The following SYT14 variants were observed in gnomAD, a reference collection of about 807,000 sequenced individuals.
SYT14 encodes the protein synaptotagmin-14.
Under a neutral mutation model 74.2 loss-of-function variants are expected in SYT14, and 32 were observed. The observed-to-expected ratio is 0.43, with a 90% CI of 0.33 to 0.58. The LOEUF (loss-of-function observed/expected upper bound fraction) is 0.58, where lower values mean the gene tolerates loss of function less well. SYT14 is among the 20% of genes least tolerant of loss of function. The pLI, the probability that SYT14 is intolerant of heterozygous loss-of-function variation, is 0.05. For missense variants in SYT14, 791 were observed against 981.8 expected (o/e 0.81, Z 2.60); for synonymous variants, 298 against 337.7 (o/e 0.88, Z 1.29).
At chr1:210,162,143 C>G (rs1410269619) in exon 10 of SYT14, 1 of 439,114 alleles carries the variant, frequency 2.3e-6, no homozygotes, top group Non-Finnish European at 4.6e-6. Context: ...ATGTTAAAAA[C>G]AGTTATGAGA....
At chr1:210,077,089 T>C (rs1558172761) in intron 5 of SYT14, among the ~76,000 whole-genome samples, 1 of 152,092 alleles carries the variant, frequency 6.6e-6, no homozygotes, top group Admixed American at 6.5e-5. Flanking sequence ...TATAAAGAAA[T>C]GAGGTTTAAT....
chr1:210,126,307 AC>A (rs1018368198), intron 7 of SYT14, among the ~76,000 whole-genome samples: 6 of 151,538 alleles, frequency 4.0e-5, no homozygotes, highest in Non-Finnish European at 7.4e-5. Context: ...TAACACGTTT[AC>A]CCCTGAGATA....
chr1:210,006,358 T>G (rs2079988066), intron 2 of SYT14, among the ~76,000 whole-genome samples: 1 of 151,974 alleles, frequency 6.6e-6, no homozygotes, highest in African/African-American at 2.4e-5. Flanking sequence ...CATACTAACC[T>G]TCTGTTTTCC....
intron 2 of SYT14, among the ~76,000 whole-genome samples, chr1:209,966,470 C>T (rs1007738489): frequency 2.6e-5 from 4 of 152,250 alleles, no homozygotes; most frequent in Non-Finnish European, 5.9e-5. Flanking sequence ...TCTACAGATC[C>T]ATGAACCTAG....
Position 209,948,970 on chromosome 1 carries a change from C to T in SYT14, c.-533-3739C>T, listed in dbSNP as rs186049601. Among the ~76,000 whole-genome samples, 133 of 152,296 alleles carry T rather than the reference C, an allele frequency of 8.7e-4. 1 individual carries two copies. The highest frequency in any genetic ancestry group is 3.0e-3 in the African/African-American group (126 of 41,582). On this transcript the variant is annotated intron_variant, in intron 1 of 9. Transcript: ENST00000637265. ...CTAAGTGACCAAGTAAGCATTCCCT[C>T]TTGTGCGTTACACTGTTAAAAGCAG...
chr1:209,948,408 A>G (rs927790869), intron 1 of SYT14, among the ~76,000 whole-genome samples: 4 of 152,160 alleles, frequency 2.6e-5, no homozygotes, highest in Non-Finnish European at 4.4e-5. Context: ...CCTTATGCCA[A>G]TTGTAGAGGA....
At position 209,984,330 on chromosome 1, in the gene SYT14, C is replaced by T. The variant is rs74363772; in HGVS notation, c.-485-29303C>T. Reference sequence around the variant, plus strand: ...TCTTACTGAGTTTCAGCAGTCTCTCCCTTCAGCAAGCACATCCCTCGTTGC... The same window carrying T: ...TCTTACTGAGTTTCAGCAGTCTCTCTCTTCAGCAAGCACATCCCTCGTTGC... On this transcript the variant is annotated intron_variant, in intron 2 of 9. Transcript: ENST00000637265. Among the ~76,000 whole-genome samples, 62 of 152,270 alleles carry T rather than the reference C, an allele frequency of 4.1e-4. 1 individual carries two copies. Among genetic ancestry groups the T allele is most frequent in the Admixed American group, 2.5e-3 (38 of 15,308 alleles).
At chr1:210,110,557 T>C (rs534068350) in intron 7 of SYT14, among the ~76,000 whole-genome samples, 1 of 152,112 alleles carries the variant, frequency 6.6e-6, no homozygotes, top group Non-Finnish European at 1.5e-5. Flanking sequence ...TCTGTTTCAA[T>C]TAAACAAGGT....
At chr1:210,029,865 A>G (rs2080491259) in intron 5 of SYT14, among the ~76,000 whole-genome samples, 1 of 152,162 alleles carries the variant, frequency 6.6e-6, no homozygotes, top group Non-Finnish European at 1.5e-5. Flanking sequence ...TAAGTTTTCT[A>G]AGCATCAACA....
intron 4 of SYT14, among the ~76,000 whole-genome samples, chr1:210,017,443 G>A (rs1448584004): frequency 2.6e-5 from 4 of 152,054 alleles, no homozygotes; most frequent in African/African-American, 9.7e-5. Context: ...ATGTGCTGTA[G>A]TTGCATTTGA....
At chr1:209,990,294 T>C (rs373732350) in intron 2 of SYT14, among the ~76,000 whole-genome samples, 198 of 151,974 alleles carry the variant, frequency 1.3e-3, no homozygotes, top group African/African-American at 4.6e-3. Context: ...CAGTCTGTGA[T>C]GGAGATGGCT....
At chr1:210,164,961 A>G (rs1445999368) in exon 10 of SYT14, 4 of 152,182 alleles carry the variant, frequency 2.6e-5, no homozygotes, top group African/African-American at 9.6e-5. Flanking sequence ...TAATTTTAAA[A>G]CATTGTCTCT....
intron 7 of SYT14, among the ~76,000 whole-genome samples, chr1:210,109,312 G>T (rs933556896): frequency 6.6e-6 from 1 of 152,102 alleles, no homozygotes; most frequent in Non-Finnish European, 1.5e-5. Flanking sequence ...GGGCGCGTTG[G>T]CTCACACCTG....
chr1:210,037,533 T>G (rs944605860), intron 5 of SYT14, among the ~76,000 whole-genome samples: 3 of 151,446 alleles, frequency 2.0e-5, no homozygotes, highest in Admixed American at 1.3e-4. Flanking sequence ...TTTTCTGTTT[T>G]TTTTTTTTTT....
intron 2 of SYT14, among the ~76,000 whole-genome samples, chr1:210,006,862 A>C (rs1035436773): frequency 6.6e-6 from 1 of 151,860 alleles, no homozygotes. Flanking sequence ...GGTTTAGTAG[A>C]TAAATATCCC....
At chr1:210,027,537 G>A (rs1002432960) in intron 5 of SYT14, among the ~76,000 whole-genome samples, 1 of 152,100 alleles carries the variant, frequency 6.6e-6, no homozygotes, top group African/African-American at 2.4e-5. Context: ...AAGAGGAGGG[G>A]TTGGTCTTGC....
At chr1:209,977,937 T>C (rs894965870) in intron 2 of SYT14, among the ~76,000 whole-genome samples, 32 of 151,720 alleles carry the variant, frequency 2.1e-4, no homozygotes, top group Admixed American at 1.5e-3. Context: ...ACTTCTCTTC[T>C]TGCTTCATTT....
chr1:210,023,577 T>C (rs537473796), intron 5 of SYT14, among the ~76,000 whole-genome samples: 11 of 151,818 alleles, frequency 7.2e-5, no homozygotes, highest in Non-Finnish European at 1.0e-4. Context: ...CTTCTGACCT[T>C]GTGATCTGCC....
At chr1:210,125,225 C>T (rs188745474) in intron 7 of SYT14, among the ~76,000 whole-genome samples, 2 of 151,832 alleles carry the variant, frequency 1.3e-5, no homozygotes, top group Non-Finnish European at 2.9e-5. Context: ...CCACCCTCCC[C>T]CCTTTTGAAA....
Sources: gnomAD v4.1 joint callset for allele counts (sites outside exome capture counted in the v4.1 genomes callset) on GRCh38, gnomAD v4.1.1 for gene constraint, MANE v1.5 for transcripts, NCBI Gene and HGNC (gene_info 2026-07-23, HGNC 2026-07-21) for gene names.